Variants in TAB1 observed in about 807,000 individuals in gnomAD.
TAB1 encodes the protein TGF-beta-activated kinase 1 and MAP3K7-binding protein 1.
In TAB1, 30 loss-of-function variants were observed where a neutral mutation model predicts 54.5. The ratio of observed to expected loss-of-function variants is 0.55; its 90% CI spans 0.41 to 0.75. The LOEUF is 0.75. Among genes scored for constraint, TAB1 ranks in the 30% least tolerant of loss-of-function variants. The pLI is 0.00. For missense variants in TAB1, 609 were observed against 683.2 expected (o/e 0.89, Z 1.21); for synonymous variants, 289 against 286.9 (o/e 1.01, Z -0.07).
rs143104139 is a variant in TAB1, at chr22:39,415,836, G to A, written c.324+183G>A. On this transcript the variant is annotated intron_variant, in intron 3 of 10. Coordinates refer to ENST00000216160, the MANE Select transcript of TAB1 (RefSeq NM_006116.3). This position sits in a 1 kb window ranked among gnomAD's most constrained non-coding sequence, Gnocchi z 4.9. ...CAACAGGAGTCCAGGACCAGCCAGCGAGCAGCAGGCCTTCAATGGCTGGCA... is the reference window on the plus strand; with the variant it reads ...CAACAGGAGTCCAGGACCAGCCAGCAAGCAGCAGGCCTTCAATGGCTGGCA... Among the ~76,000 whole-genome samples, 18 of 152,324 alleles carry A rather than the reference G, an allele frequency of 1.2e-4. No individual in the cohort carries two copies. Among genetic ancestry groups the A allele is most frequent in the East Asian group, 3.9e-4 (2 of 5,188 alleles).
intron 9 of TAB1, 107 bp downstream of exon 9, chr22:39,427,032 T>A: frequency 1.0e-6 from 1 of 998,490 alleles, no homozygotes; most frequent in South Asian, 1.6e-5. Context: ...TCAGGAGGCC[T>A]GGCTCTGAGT....
chr22:39,436,617 C>G, downstream of TAB1: 2 of 1,480,848 alleles, frequency 1.4e-6, no homozygotes, highest in Non-Finnish European at 1.9e-6. Context: ...CTGAGATCAT[C>G]CTGGGGTTTT....
chr22:39,415,747 G>A lies in TAB1; in HGVS notation c.324+94G>A, dbSNP rs1926805555. 6.8e-7 allele frequency: 1 copy of A among 1,479,424 alleles called. No individual in the cohort carries two copies. Among genetic ancestry groups the A allele is most frequent in the Non-Finnish European group, 9.1e-7 (1 of 1,104,336 alleles). 91.6% of individuals were successfully genotyped at this position (1,479,424 alleles called of 1,614,324 possible). On this transcript the variant is annotated intron_variant, in intron 3 of 10. Coordinates refer to ENST00000216160, the MANE Select transcript of TAB1 (RefSeq NM_006116.3). This position sits in a 1 kb window ranked among gnomAD's most constrained non-coding sequence, Gnocchi z 4.9. ...CCTCTAGCATGTTGCCAGGGTTGGT[G>A]TGAAGATCCTGCCGGCCCCTTCACC... is the stretch of plus-strand genomic sequence containing the variant.
chr22:39,436,655 A>G, downstream of TAB1: 2 of 1,136,558 alleles, frequency 1.8e-6, no homozygotes, highest in South Asian at 2.5e-5. Context: ...GTGCACTGGG[A>G]TCTTCTCGTG....
At chr22:39,418,878 C>T (rs1926949873) in intron 6 of TAB1, 33 bp downstream of exon 6, 1 of 1,548,078 alleles carries the variant, frequency 6.5e-7, no homozygotes, top group South Asian at 1.1e-5. Flanking sequence ...GAAGCTGATC[C>T]CCATGGGCTC....
downstream of TAB1, among the ~76,000 whole-genome samples, chr22:39,434,394 G>A (rs1053354951): frequency 6.6e-6 from 1 of 152,256 alleles, no homozygotes; most frequent in Non-Finnish European, 1.5e-5. Flanking sequence ...CTTCACAGCC[G>A]AAGTGCAGAC....
intron 8 of TAB1, among the ~76,000 whole-genome samples, chr22:39,425,321 T>G (rs2145680001): frequency 6.6e-6 from 1 of 151,974 alleles, no homozygotes; most frequent in East Asian, 1.9e-4. Flanking sequence ...AGATGGAACT[T>G]GCAGTGAGCT....
At chr22:39,435,808 T>C (rs1048638962), downstream of TAB1, among the ~76,000 whole-genome samples, 1 of 152,128 alleles carries the variant, frequency 6.6e-6, no homozygotes, top group Admixed American at 6.5e-5. Context: ...CTTGGCTTGA[T>C]AGGAGGTGGG....
chr22:39,402,052 T>C (rs1926167871), intron 1 of TAB1, among the ~76,000 whole-genome samples: 1 of 152,148 alleles, frequency 6.6e-6, no homozygotes, highest in South Asian at 2.1e-4. Flanking sequence ...TGTAGACCTG[T>C]GTCAAGAGCC....
intron 1 of TAB1, among the ~76,000 whole-genome samples, chr22:39,400,682 G>T (rs1027542692): frequency 5.3e-5 from 8 of 152,134 alleles, no homozygotes; most frequent in Non-Finnish European, 1.2e-4. Flanking sequence ...TGGCCTCCTG[G>T]GTCCTTCCTA....
chr22:39,415,859 GC>G lies in TAB1; in HGVS notation c.324+207del, dbSNP rs1425127140. ...GCGAGCAGCAGGCCTTCAATGGCTG[GC>G]AGAGGAGGTACTGCTGGAGACGGGG... On this transcript the variant is annotated intron_variant, in intron 3 of 10. Coordinates refer to ENST00000216160, the MANE Select transcript of TAB1 (RefSeq NM_006116.3). The surrounding 1 kb of genome is among the most constrained non-coding windows in gnomAD (Gnocchi z 4.9). 6.6e-6 allele frequency among the ~76,000 whole-genome samples: 1 copy of G among 152,224 alleles called. No individual in the cohort carries two copies. The highest frequency in any genetic ancestry group is 1.5e-5 in the Non-Finnish European group (1 of 68,038).
Position 39,431,836 on chromosome 22 carries a change from T to C in TAB1, c.*1614T>C. The C allele has an allele frequency of 2.0e-6, 2 of 985,464 alleles. No individual in the cohort carries two copies. Among genetic ancestry groups the C allele is most frequent in the Non-Finnish European group, 2.4e-6 (2 of 829,938 alleles). The allele number at this position is 985,464 out of a possible 1,614,324, so 61.0% of individuals were successfully genotyped here. Reference sequence around the variant, plus strand: ...TCTAGAAACAGGGTCACTTTTTTAATGTAGTAAAGAAGTAATAAATGGTGG... The same window carrying C: ...TCTAGAAACAGGGTCACTTTTTTAACGTAGTAAAGAAGTAATAAATGGTGG... On this transcript the variant is annotated 3_prime_UTR_variant, in exon 11 of 11. Transcript: ENST00000216160.
chr22:39,436,191 G>A (rs901404132), downstream of TAB1, among the ~76,000 whole-genome samples: 3 of 152,172 alleles, frequency 2.0e-5, no homozygotes, highest in East Asian at 5.8e-4. Flanking sequence ...TACTCAGGAG[G>A]CTGAGGCAGG....
chr22:39,432,959 C>G, downstream of TAB1: 1 of 985,426 alleles, frequency 1.0e-6, no homozygotes, highest in Non-Finnish European at 1.2e-6. Flanking sequence ...AAGTGAATGG[C>G]ACAGCGAGGC....
intron 7 of TAB1, 82 bp from the exon 8 acceptor site, chr22:39,421,745 A>G: frequency 1.4e-6 from 2 of 1,449,886 alleles, no homozygotes; most frequent in Non-Finnish European, 1.9e-6. Context: ...CATTCTGGGC[A>G]TAGATTCCTC....
In TAB1 at chr22:39,417,817, T is replaced by C. The variant is rs1926904247; in HGVS notation, c.518T>C (p.Leu173Pro). The part of the protein sequence containing the change: ...SGGAMAVVAV[L>P]LNNKLYVANV... Reference sequence around the variant, plus strand: ...GGGGCCATGGCCGTTGTGGCGGTCCTTCTCAACAACAAGCTCTACGTCGCC... The same window carrying C: ...GGGGCCATGGCCGTTGTGGCGGTCCCTCTCAACAACAAGCTCTACGTCGCC... The change falls in exon 5 of 11, where the codon CTT (leucine) becomes CCT (proline). Residue 173 changes from leucine (L) to proline (P), a missense_variant. By Grantham distance (98) the Leu-to-Pro change is moderately conservative. Transcript: ENST00000216160. 1 of 1,612,616 alleles carries C rather than the reference T, an allele frequency of 6.2e-7. No individual in the cohort carries two copies. Among genetic ancestry groups the C allele is most frequent in the Non-Finnish European group, 8.5e-7 (1 of 1,179,310 alleles).
In TAB1 at chr22:39,415,797, T is replaced by G; in HGVS notation, c.324+144T>G. 1 of 1,093,618 alleles carries G rather than the reference T, an allele frequency of 9.1e-7. No individual in the cohort carries two copies. The highest frequency in any genetic ancestry group is 1.3e-6 in the Non-Finnish European group (1 of 779,330). The allele number at this position is 1,093,618 out of a possible 1,614,324, so 67.7% of individuals were successfully genotyped here. ...CCCAGTAGAGGAGCAGCTCCCAGCG[T>G]AGGCCCCCCCACCCAACAGGAGTCC... On this transcript the variant is annotated intron_variant, in intron 3 of 10. Transcript: ENST00000216160. This position sits in a 1 kb window ranked among gnomAD's most constrained non-coding sequence, Gnocchi z 4.9.
chr22:39,414,900 G>A, intron 1 of TAB1, 106 bp from the exon 2 acceptor site: 5 of 1,319,682 alleles, frequency 3.8e-6, no homozygotes, highest in South Asian at 1.3e-5. Flanking sequence ...AACCCTCTGT[G>A]TAGGGCTGCG....
rs547395352 is a variant in TAB1 at position 39,430,923 on chromosome 22, G to A, written c.*701G>A. ...GGCCTGGGCTTCCCCAGAGCCAGGC[G>A]TGCGGGAGAGGTGAGGACTGGCCCC... On this transcript the variant is annotated 3_prime_UTR_variant, in exon 11 of 11. Coordinates refer to ENST00000216160, the MANE Select transcript of TAB1 (RefSeq NM_006116.3). The A allele has an allele frequency of 1.7e-5, 17 of 987,296 alleles. No homozygotes were observed. In the South Asian group the frequency reaches 4.2e-4, roughly 24 times the overall value. The allele number at this position is 987,296 out of a possible 1,614,324, so 61.2% of individuals were successfully genotyped here. A position where few individuals can be genotyped will look rare whatever the true frequency, so the allele number is the denominator to read the frequency against.
Sources: allele counts gnomAD v4.1 joint callset (sites outside exome capture counted in the v4.1 genomes callset), GRCh38; gene constraint gnomAD v4.1.1; non-coding constraint Gnocchi (gnomAD v3.1); transcripts MANE v1.5; gene names NCBI Gene and HGNC (gene_info 2026-07-23, HGNC 2026-07-21).